STK32B: variants seen among roughly 807,000 people sequenced by gnomAD.
STK32B encodes serine/threonine kinase 32B, also known as serine/threonine-protein kinase 32B.
A neutral mutation model predicts 52.6 loss-of-function variants in STK32B; 43 were observed. The observed-to-expected ratio is 0.82, with a 90% CI of 0.64 to 1.05. The LOEUF is 1.05. Ranked by LOEUF, STK32B falls within the 50% of genes least tolerant of loss-of-function variation. STK32B has a pLI of 0.00. For missense variants in STK32B, 621 were observed against 534.6 expected, an observed-to-expected ratio of 1.16 and a Z score of -1.59; for synonymous variants, 238 against 204.3, an observed-to-expected ratio of 1.17 and a Z score of -1.41.
intron 1 of STK32B, among the ~76,000 whole-genome samples, chr4:5,132,517 GAGA>G (rs2108822910): frequency 6.6e-6 from 1 of 152,274 alleles, no homozygotes; most frequent in South Asian, 2.1e-4. Context: ...ATAAGGGTGA[GAGA>G]AGATGTGACA....
intron 1 of STK32B, among the ~76,000 whole-genome samples, chr4:5,102,105 G>T (rs1713818906): frequency 6.6e-6 from 1 of 152,196 alleles, no homozygotes; most frequent in African/African-American, 2.4e-5. Context: ...CCAGTCGGAT[G>T]ATCCCTGTCC....
rs534405123 is a variant in STK32B, at chr4:5,145,107, AT to A, written c.108+5154del. On this transcript the variant is annotated intron_variant, in intron 2 of 11. Transcript: ENST00000282908. Reference sequence around the variant, plus strand: ...GCAGGGTTGACTGCATACCCATATGATTTTTTTCTCATTATTTTAGTATGAA... The same window carrying A: ...GCAGGGTTGACTGCATACCCATATGATTTTTTCTCATTATTTTAGTATGAA... Among the ~76,000 whole-genome samples the A allele has an allele frequency of 5.6e-3, 847 of 152,174 alleles. 13 individuals are homozygous for A. The highest frequency in any genetic ancestry group is 0.019 in the African/African-American group (768 of 41,508).
Position 5,396,416 on chromosome 4 carries a change from A to T in STK32B, c.435-1791A>T, listed in dbSNP as rs1418199175. ...TAAATCCAGGATGATTCATCTTGAG[A>T]TCCTTAAGTAATTACCTCTGCAAAG... is the stretch of plus-strand genomic sequence containing the variant. On this transcript the variant is annotated intron_variant, in intron 4 of 11. Coordinates refer to ENST00000282908, the MANE Select transcript of STK32B (RefSeq NM_018401.3). The surrounding 1 kb of genome is among the most constrained non-coding windows in gnomAD (Gnocchi z 4.7). Among the ~76,000 whole-genome samples the T allele has an allele frequency of 6.6e-6, 1 of 152,054 alleles. No homozygotes were observed. Among genetic ancestry groups the T allele is most frequent in the Admixed American group, 6.6e-5 (1 of 15,266 alleles).
chr4:5,020,682 T>C, the STK32B span, among the ~76,000 whole-genome samples: 1 of 152,076 alleles, frequency 6.6e-6, no homozygotes, highest in Non-Finnish European at 1.5e-5. Flanking sequence ...CAGGCAGAGA[T>C]GAGTTGGGGT....
At chr4:5,339,357 C>T (rs1026161519) in intron 4 of STK32B, among the ~76,000 whole-genome samples, 5 of 152,138 alleles carry the variant, frequency 3.3e-5, no homozygotes, top group African/African-American at 1.2e-4. Context: ...AGTTGAATTA[C>T]CTTCCCAATT....
chr4:5,426,056 A>G (rs59749023), intron 6 of STK32B, among the ~76,000 whole-genome samples: 7,481 of 152,260 alleles, frequency 0.049, 629 homozygotes, highest in African/African-American at 0.17. Context: ...TAAAGCCATT[A>G]TGGACATTTG....
At chr4:5,289,277 C>T (rs141210587) in intron 3 of STK32B, among the ~76,000 whole-genome samples, 1,730 of 152,206 alleles carry the variant, frequency 0.011, 22 homozygotes, top group South Asian at 0.057. Context: ...AAAAATGGCA[C>T]ACCTGTATAA....
At chr4:5,032,476 C>CAAAAAAA in the STK32B span, among the ~76,000 whole-genome samples, 237 of 49,326 alleles carry the variant, frequency 4.8e-3, no homozygotes, top group East Asian at 5.8e-3. Context: ...GACTCCATCT[C>CAAAAAAA]AAAAAAAAAA....
intron 11 of STK32B, among the ~76,000 whole-genome samples, chr4:5,485,992 C>A (rs1440842840): frequency 6.6e-6 from 1 of 152,206 alleles, no homozygotes. Flanking sequence ...TGTCAGTCTG[C>A]CCCTACTGCG....
At chr4:5,444,939 T>A (rs1404804528) in intron 6 of STK32B, among the ~76,000 whole-genome samples, 1 of 152,190 alleles carries the variant, frequency 6.6e-6, no homozygotes, top group Non-Finnish European at 1.5e-5. Context: ...TGTTCTCAAA[T>A]TCCCAAGTGC....
chr4:5,248,123 T>C (rs966537314), intron 3 of STK32B, among the ~76,000 whole-genome samples: 1 of 152,190 alleles, frequency 6.6e-6, no homozygotes, highest in Non-Finnish European at 1.5e-5. Flanking sequence ...CAATTTGCCA[T>C]ATTGCTGAGG....
At chr4:5,107,002 C>G (rs1006005774) in intron 1 of STK32B, among the ~76,000 whole-genome samples, 38 of 152,118 alleles carry the variant, frequency 2.5e-4, no homozygotes, top group African/African-American at 8.9e-4. Context: ...GCAGGAGTCC[C>G]CAACCCCCAG....
intron 3 of STK32B, among the ~76,000 whole-genome samples, chr4:5,216,755 TG>T (rs1356617867): frequency 6.6e-6 from 1 of 152,172 alleles, no homozygotes; most frequent in Non-Finnish European, 1.5e-5. Flanking sequence ...GGGTTGGGTT[TG>T]TACTTCCAGG....
chr4:5,494,630 GGTTATTTTGCTC>G (rs1330542769), intron 11 of STK32B, among the ~76,000 whole-genome samples: 1 of 152,104 alleles, frequency 6.6e-6, no homozygotes, highest in Non-Finnish European at 1.5e-5. Flanking sequence ...GATGTTAGCT[GGTTATTTTGCTC>G]GTTAGTTGAT....
Position 5,111,796 on chromosome 4 carries a change from TTCTA to T in STK32B, c.53-28105_53-28102del, listed in dbSNP as rs549949286. ...CGATGTGTATGGACCTCCTTGATGA[TTCTA>T]TCTCAGTTTGGGTTTCCTTACAAGC... On this transcript the variant is annotated intron_variant, in intron 1 of 11. Coordinates refer to ENST00000282908, the MANE Select transcript of STK32B (RefSeq NM_018401.3). Among the ~76,000 whole-genome samples the T allele has an allele frequency of 1.9e-3, 284 of 152,214 alleles. 4 individuals carry two copies. Among genetic ancestry groups the T allele is most frequent in the African/African-American group, 6.4e-3 (264 of 41,520 alleles).
At chr4:5,255,610 T>C (rs75798747) in intron 3 of STK32B, among the ~76,000 whole-genome samples, 534 of 152,278 alleles carry the variant, frequency 3.5e-3, no homozygotes, top group African/African-American at 0.012. Context: ...ACTACTGCTA[T>C]TCCAATCTCT....
chr4:5,277,481 T>C (rs1727901825), intron 3 of STK32B, among the ~76,000 whole-genome samples: 1 of 152,182 alleles, frequency 6.6e-6, no homozygotes, highest in South Asian at 2.1e-4. Flanking sequence ...TCAGCTAAAA[T>C]AGACATTGAA....
At chr4:5,162,344 C>T (rs1048783736) in intron 2 of STK32B, among the ~76,000 whole-genome samples, 6 of 152,146 alleles carry the variant, frequency 3.9e-5, no homozygotes, top group Non-Finnish European at 5.9e-5. Context: ...ATACAAAATC[C>T]CAGGGCCTCC....
chr4:5,234,495 C>A (rs1199528608), intron 3 of STK32B, among the ~76,000 whole-genome samples: 2 of 128,122 alleles, frequency 1.6e-5, no homozygotes, highest in Non-Finnish European at 3.7e-5. Context: ...CAGTGTCTGG[C>A]ACATAGAAAG....
Sources: allele counts gnomAD v4.1 joint callset (sites outside exome capture counted in the v4.1 genomes callset), GRCh38; gene constraint gnomAD v4.1.1; non-coding constraint Gnocchi (gnomAD v3.1); transcripts MANE v1.5; gene names NCBI Gene and HGNC (gene_info 2026-07-23, HGNC 2026-07-21).